Variants in ATP2B2 observed in about 807,000 individuals in gnomAD.
ATP2B2 encodes the protein ATPase plasma membrane Ca2+ transporting 2.
ATP2B2 carries 15 observed loss-of-function variants against 120.0 expected under a neutral mutation model. The observed-to-expected ratio is 0.12, with a 90% CI of 0.08 to 0.19. The LOEUF is 0.19. Ranked by LOEUF, ATP2B2 falls within the 10% of genes least tolerant of loss-of-function variation. The pLI, the probability that ATP2B2 is intolerant of heterozygous loss-of-function variation, is 1.00. For synonymous variants in ATP2B2, 694 were observed against 700.3 expected, an observed-to-expected ratio of 0.99 and a Z score of 0.14; for missense variants, 1,045 against 1,719.8, an observed-to-expected ratio of 0.61 and a Z score of 6.94.
In ATP2B2 at chr3:10,326,978, C is replaced by T. The variant is rs1462179135; in HGVS notation, c.*1836G>A. The T allele has an allele frequency of 1.5e-5, 6 of 398,182 alleles. No individual in the cohort carries two copies. The highest frequency in any genetic ancestry group is 1.3e-4 in the Admixed American group (3 of 22,718). The allele number at this position is 398,182 out of a possible 1,614,324, so 24.7% of individuals were successfully genotyped here. ...TGAGGAATGGATTTTGCAAGAGAGGCGGAAAGTGTTTGGTTTTCCTCGAAG... is the reference window on the plus strand; with the variant it reads ...TGAGGAATGGATTTTGCAAGAGAGGTGGAAAGTGTTTGGTTTTCCTCGAAG... On this transcript the variant is annotated 3_prime_UTR_variant, in exon 23 of 23. Transcript: ENST00000360273.
At chr3:10,685,447 C>T (rs1257785553) in intron 1 of ATP2B2, among the ~76,000 whole-genome samples, 1 of 152,090 alleles carries the variant, frequency 6.6e-6, no homozygotes, top group Non-Finnish European at 1.5e-5. Flanking sequence ...GAGGTGTCTC[C>T]AGTTCACTGT....
intron 1 of ATP2B2, among the ~76,000 whole-genome samples, chr3:10,681,551 G>GC (rs1432185469): frequency 1.3e-5 from 2 of 152,194 alleles, no homozygotes; most frequent in Admixed American, 6.5e-5. Context: ...TTCACTGAAC[G>GC]CCCACTGGGT....
At chr3:10,355,791 C>CTTTGTGCGT in intron 14 of ATP2B2, among the ~76,000 whole-genome samples, 3 of 92,530 alleles carry the variant, frequency 3.2e-5, no homozygotes, top group African/African-American at 7.4e-5. Flanking sequence ...TTGTCCTTTC[C>CTTTGTGCGT]GGCCGGGCGC....
chr3:10,485,262 T>C (rs1380156944), intron 1 of ATP2B2, among the ~76,000 whole-genome samples: 2 of 152,228 alleles, frequency 1.3e-5, no homozygotes, highest in Non-Finnish European at 2.9e-5. Context: ...TGAAGTCCTG[T>C]CGGGAAGGTT....
intron 7 of ATP2B2, 139 bp downstream of exon 7, chr3:10,386,341 G>T: frequency 1.1e-6 from 1 of 896,330 alleles, no homozygotes; most frequent in South Asian, 1.4e-5. Context: ...AGGGCACAAA[G>T]GAGGGTCTGG....
chr3:10,583,946 G>A (rs1016118236), intron 2 of ATP2B2, among the ~76,000 whole-genome samples: 1 of 152,246 alleles, frequency 6.6e-6, no homozygotes, highest in African/African-American at 2.4e-5. Flanking sequence ...GACCCTGACA[G>A]CAGCTCCTTG....
At chr3:10,468,723 G>A (rs1048332959) in intron 1 of ATP2B2, among the ~76,000 whole-genome samples, 1 of 152,228 alleles carries the variant, frequency 6.6e-6, no homozygotes, top group African/African-American at 2.4e-5. Flanking sequence ...TGAGGCCAGT[G>A]AGGCGCTGAA....
intron 3 of ATP2B2, among the ~76,000 whole-genome samples, chr3:10,406,603 G>A (rs764978292): frequency 2.0e-5 from 3 of 152,208 alleles, no homozygotes; most frequent in Non-Finnish European, 4.4e-5. Context: ...GGTATGTAGC[G>A]GGCTGTGCCA....
intron 1 of ATP2B2, among the ~76,000 whole-genome samples, chr3:10,494,914 AG>A (rs1294272356): frequency 6.6e-6 from 1 of 152,218 alleles, no homozygotes; most frequent in African/African-American, 2.4e-5. Context: ...TAACTCACTG[AG>A]GGGGATACAG....
At chr3:10,426,710 A>G (rs998577838) in intron 2 of ATP2B2, among the ~76,000 whole-genome samples, 1 of 152,254 alleles carries the variant, frequency 6.6e-6, no homozygotes, top group African/African-American at 2.4e-5. Context: ...GGTGAAATCC[A>G]GTATCAGAAA....
chr3:10,527,862 C>T (rs912120566), intron 3 of ATP2B2, among the ~76,000 whole-genome samples: 38 of 152,096 alleles, frequency 2.5e-4, no homozygotes, highest in Non-Finnish European at 3.4e-4. Flanking sequence ...AAGTCTGCAG[C>T]GTATGGCCAC....
At chr3:10,581,665 C>T (rs913562195) in intron 2 of ATP2B2, among the ~76,000 whole-genome samples, 3 of 152,204 alleles carry the variant, frequency 2.0e-5, no homozygotes, top group African/African-American at 4.8e-5. Flanking sequence ...AGTGAAAGTG[C>T]ATAGCTTTTT....
chr3:10,400,611 C>T (rs1408284716), intron 5 of ATP2B2, among the ~76,000 whole-genome samples: 1 of 152,214 alleles, frequency 6.6e-6, no homozygotes, highest in Admixed American at 6.5e-5. Context: ...GGCCAGAATG[C>T]TTATCACCTG....
chr3:10,594,697 C>A (rs914251043), intron 2 of ATP2B2, among the ~76,000 whole-genome samples: 36 of 128,180 alleles, frequency 2.8e-4, no homozygotes, highest in African/African-American at 1.0e-3. Context: ...GCACATGTAC[C>A]CTAGAACTTA....
chr3:10,544,056 T>A (rs931677057), intron 2 of ATP2B2, among the ~76,000 whole-genome samples: 7 of 152,110 alleles, frequency 4.6e-5, no homozygotes, highest in Non-Finnish European at 8.8e-5. Context: ...TCATAATTTT[T>A]AAGAACATAA....
intron 1 of ATP2B2, among the ~76,000 whole-genome samples, chr3:10,641,841 T>G (rs2070180017): frequency 6.6e-6 from 1 of 152,036 alleles, no homozygotes; most frequent in African/African-American, 2.4e-5. Flanking sequence ...TACCCATCTA[T>G]TCATCCAACC....
chr3:10,704,588 C>T (rs1287949197), intron 1 of ATP2B2, among the ~76,000 whole-genome samples: 1 of 152,218 alleles, frequency 6.6e-6, no homozygotes, highest in African/African-American at 2.4e-5. Context: ...TCCTCCTTCC[C>T]GTCCAATTCT....
chr3:10,669,059 A>G (rs73128061), intron 1 of ATP2B2, among the ~76,000 whole-genome samples: 14,351 of 152,202 alleles, frequency 0.094, 1,055 homozygotes, highest in African/African-American at 0.2. Flanking sequence ...CAACAACAAA[A>G]TGCTCAGAAT....
Position 10,327,838 on chromosome 3 carries a change from G to T in ATP2B2, c.*976C>A, listed in dbSNP as rs898278864. The T allele has an allele frequency of 2.6e-5, 4 of 152,656 alleles. No individual in the cohort carries two copies. Among genetic ancestry groups the T allele is most frequent in the Non-Finnish European group, 5.9e-5 (4 of 68,046 alleles). 9.5% of individuals were successfully genotyped at this position (152,656 alleles called of 1,614,324 possible). On this transcript the variant is annotated 3_prime_UTR_variant, in exon 23 of 23. Transcript: ENST00000360273. ...TTGGCTTCTGCCTGAGCCTCTCACG[G>T]TAGTGACATTATTGAACGGAAATAG...
Sources: gnomAD v4.1 joint callset for allele counts (sites outside exome capture counted in the v4.1 genomes callset) on GRCh38, gnomAD v4.1.1 for gene constraint, MANE v1.5 for transcripts, NCBI Gene and HGNC (gene_info 2026-07-23, HGNC 2026-07-21) for gene names.